NTRK2: variants seen among roughly 807,000 people sequenced by gnomAD.
NTRK2 encodes the protein neurotrophic receptor tyrosine kinase 2.
In NTRK2, 13 loss-of-function variants were observed where a neutral mutation model predicts 94.5. The ratio of observed to expected loss-of-function variants is 0.14; its 90% CI spans 0.09 to 0.22. NTRK2 has a LOEUF of 0.22. Among genes scored for constraint, NTRK2 ranks in the 10% least tolerant of loss-of-function variants. NTRK2 has a pLI of 1.00. For missense variants in NTRK2, 639 were observed against 1,071.2 expected (o/e 0.60, Z 5.63); for synonymous variants, 372 against 407.4 (o/e 0.91, Z 1.05).
intron 14 of NTRK2, chr9:84,873,537 A>G (rs1363286818): frequency 7.6e-6 from 8 of 1,057,190 alleles, no homozygotes; most frequent in African/African-American, 1.7e-5. Flanking sequence ...ATTTGATATC[A>G]TATTCCCTTT....
intron 2 of NTRK2, among the ~76,000 whole-genome samples, chr9:84,692,437 GTTTCT>G (rs1269383899): frequency 7.0e-6 from 1 of 142,122 alleles, no homozygotes; most frequent in African/African-American, 2.6e-5. Context: ...TTTACACACA[GTTTCT>G]TTTCTTTTCT....
chr9:84,973,366 A>C (rs1826415936), intron 17 of NTRK2, among the ~76,000 whole-genome samples: 1 of 152,166 alleles, frequency 6.6e-6, no homozygotes, highest in Non-Finnish European at 1.5e-5. Context: ...CCAAGGACAC[A>C]CTTGGCCATA....
At chr9:84,890,087 T>C (rs2076551626) in intron 14 of NTRK2, among the ~76,000 whole-genome samples, 1 of 152,248 alleles carries the variant, frequency 6.6e-6, no homozygotes, top group Non-Finnish European at 1.5e-5. Context: ...TCTTTAGTTC[T>C]TTTGCATCTT....
At chr9:84,778,508 G>C (rs1158673738) in intron 12 of NTRK2, among the ~76,000 whole-genome samples, 1 of 152,170 alleles carries the variant, frequency 6.6e-6, no homozygotes, top group African/African-American at 2.4e-5. Flanking sequence ...TGGACACAAG[G>C]TGCCTGCATC....
chr9:84,835,216 C>T (rs781242251), intron 12 of NTRK2, among the ~76,000 whole-genome samples: 3 of 152,162 alleles, frequency 2.0e-5, no homozygotes, highest in Non-Finnish European at 4.4e-5. Flanking sequence ...TAGTAGGTGT[C>T]GCCATTCATC....
intron 2 of NTRK2, among the ~76,000 whole-genome samples, chr9:84,694,990 G>A (rs1002795030): frequency 6.9e-5 from 10 of 145,228 alleles, no homozygotes; most frequent in African/African-American, 2.6e-4. Context: ...ATCCTGGGGA[G>A]CTTGCAGTGA....
At chr9:85,000,355 A>ATAG (rs1830201903) in intron 17 of NTRK2, among the ~76,000 whole-genome samples, 1 of 152,162 alleles carries the variant, frequency 6.6e-6, no homozygotes, top group South Asian at 2.1e-4. Context: ...ATTACACAGA[A>ATAG]TAGTTTCACT....
chr9:84,820,689 C>G (rs75246469), intron 12 of NTRK2, among the ~76,000 whole-genome samples: 2 of 152,098 alleles, frequency 1.3e-5, no homozygotes, highest in African/African-American at 4.8e-5. Flanking sequence ...TGTGTATAAG[C>G]GGACCTAAGC....
At chr9:84,916,550 G>A (rs2077399144) in intron 14 of NTRK2, among the ~76,000 whole-genome samples, 1 of 152,124 alleles carries the variant, frequency 6.6e-6, no homozygotes, top group South Asian at 2.1e-4. Flanking sequence ...TCCAGCTCAG[G>A]CGGGAAGCTC....
At chr9:84,756,988 T>TAAAGCCTTTTATATGAGCTG (rs1401756532) in intron 12 of NTRK2, among the ~76,000 whole-genome samples, 1 of 152,228 alleles carries the variant, frequency 6.6e-6, no homozygotes, top group Non-Finnish European at 1.5e-5. Context: ...GGTTGAAGGT[T>TAAAGCCTTTTATATGAGCTG]AAAGCCTTTT....
In NTRK2 at chr9:84,710,536, G is replaced by T. The variant is rs1465175567; in HGVS notation, c.429-101G>T. The T allele has an allele frequency of 3.1e-6, 4 of 1,270,332 alleles. No individual in the cohort carries two copies. In the Admixed American group the frequency reaches 7.0e-5, roughly 22 times the overall value. The allele number at this position is 1,270,332 out of a possible 1,614,324, so 78.7% of individuals were successfully genotyped here. A position where few individuals can be genotyped will look rare whatever the true frequency, so the allele number is the denominator to read the frequency against. ...GAAAGTGGTATGACTTCCAAGCATT[G>T]CTGGCTAGAAAGAATTCATAATGTT... On this transcript the variant is annotated intron_variant, in intron 5 of 18. Transcript: ENST00000277120.
intron 14 of NTRK2, among the ~76,000 whole-genome samples, chr9:84,932,189 A>T (rs2078060655): frequency 6.6e-6 from 1 of 152,248 alleles, no homozygotes; most frequent in Non-Finnish European, 1.5e-5. Context: ...CATAGAATGG[A>T]TAAATACATG....
chr9:84,778,788 A>G (rs961418976), intron 12 of NTRK2, among the ~76,000 whole-genome samples: 2 of 152,152 alleles, frequency 1.3e-5, no homozygotes, highest in East Asian at 1.9e-4. Flanking sequence ...CTGTGCCTTC[A>G]CGGACACCGT....
At chr9:84,798,304 A>C (rs373920606) in intron 12 of NTRK2, among the ~76,000 whole-genome samples, 20 of 152,256 alleles carry the variant, frequency 1.3e-4, no homozygotes, top group South Asian at 8.3e-4. Flanking sequence ...TAATATCATC[A>C]CACTGGGAAT....
intron 8 of NTRK2, among the ~76,000 whole-genome samples, chr9:84,725,847 AC>A (rs1455816550): frequency 1.3e-5 from 2 of 152,122 alleles, no homozygotes; most frequent in African/African-American, 4.8e-5. Context: ...TAGTAATATC[AC>A]ATTTCTCAGA....
intron 14 of NTRK2, chr9:84,875,128 T>C (rs2076015759): frequency 9.4e-7 from 1 of 1,059,860 alleles, no homozygotes; most frequent in Non-Finnish European, 1.1e-6. Context: ...GATATCCTTT[T>C]AATCTCTTGT....
chr9:84,949,407 G>C lies in NTRK2; in HGVS notation c.1937+773G>C, dbSNP rs147930965. ...GTCACTGGGCTATTGATTAGGGTTA[G>C]TGTCATTTGAATTTCTAGCATTGGC... On this transcript the variant is annotated intron_variant, in intron 16 of 18. Transcript: ENST00000277120. Among the ~76,000 whole-genome samples, 194 of 152,226 alleles carry C rather than the reference G, an allele frequency of 1.3e-3. 1 individual carries two copies. Among genetic ancestry groups the C allele is most frequent in the African/African-American group, 4.5e-3 (187 of 41,548 alleles).
chr9:85,012,148 C>G (rs1831678355), intron 17 of NTRK2, among the ~76,000 whole-genome samples: 1 of 151,124 alleles, frequency 6.6e-6, no homozygotes, highest in Non-Finnish European at 1.5e-5. Flanking sequence ...GCCACTGCGC[C>G]CAGCTAATTT....
intron 14 of NTRK2, chr9:84,876,002 A>G: frequency 9.7e-7 from 1 of 1,032,636 alleles, no homozygotes; most frequent in Non-Finnish European, 1.2e-6. Context: ...AGAAAACAAT[A>G]ATATAATCCT....
Sources: allele counts gnomAD v4.1 joint callset (sites outside exome capture counted in the v4.1 genomes callset), GRCh38; gene constraint gnomAD v4.1.1; transcripts MANE v1.5; gene names NCBI Gene and HGNC (gene_info 2026-07-23, HGNC 2026-07-21).